Variants in IMMP2L observed in about 807,000 individuals in gnomAD.
IMMP2L encodes the protein inner mitochondrial membrane peptidase subunit 2.
In IMMP2L, 18 loss-of-function variants were observed where a neutral mutation model predicts 19.3. The observed-to-expected ratio is 0.93, with a 90% CI of 0.64 to 1.38. The LOEUF is 1.38. IMMP2L is among the 40% of genes most tolerant of loss of function. The pLI is 0.00. For missense variants in IMMP2L, 233 were observed against 218.2 expected, an observed-to-expected ratio of 1.07 and a Z score of -0.43; for synonymous variants, 76 against 73.0, an observed-to-expected ratio of 1.04 and a Z score of -0.21.
intron 3 of IMMP2L, among the ~76,000 whole-genome samples, chr7:111,144,076 C>A (rs1000975142): frequency 3.3e-5 from 5 of 152,098 alleles, no homozygotes; most frequent in African/African-American, 1.2e-4. Flanking sequence ...TCTTACAAGG[C>A]AAACCCATCA....
At chr7:110,761,168 G>A (rs541702801) in intron 5 of IMMP2L, among the ~76,000 whole-genome samples, 3 of 152,078 alleles carry the variant, frequency 2.0e-5, no homozygotes, top group South Asian at 4.1e-4. Flanking sequence ...GATTCCAGAA[G>A]GGGACTAAGT....
intron 1 of IMMP2L, among the ~76,000 whole-genome samples, chr7:111,536,076 T>C (rs941338516): frequency 1.3e-5 from 2 of 152,004 alleles, no homozygotes; most frequent in African/African-American, 4.8e-5. Context: ...TGGCTAAATA[T>C]GAAAAAAATT....
chr7:111,500,166 C>T (rs1374377786), intron 2 of IMMP2L, among the ~76,000 whole-genome samples: 1 of 152,174 alleles, frequency 6.6e-6, no homozygotes, highest in African/African-American at 2.4e-5. Context: ...ATATCCCGCA[C>T]CTGGCTCAGA....
At chr7:111,251,625 T>C (rs1184743690) in intron 3 of IMMP2L, among the ~76,000 whole-genome samples, 3 of 152,150 alleles carry the variant, frequency 2.0e-5, no homozygotes, top group African/African-American at 7.2e-5. Flanking sequence ...CAGTTATCCT[T>C]AGCAAACTAA....
chr7:111,348,480 G>T (rs1827801737), intron 3 of IMMP2L, among the ~76,000 whole-genome samples: 1 of 152,062 alleles, frequency 6.6e-6, no homozygotes, highest in East Asian at 1.9e-4. Context: ...GACTGAGCCA[G>T]TTTTCGGTCC....
chr7:110,799,462 T>C (rs1431054266), intron 5 of IMMP2L, among the ~76,000 whole-genome samples: 1 of 152,024 alleles, frequency 6.6e-6, no homozygotes, highest in East Asian at 1.9e-4. Context: ...TGTAAAGTTG[T>C]TTTTAAAAGA....
At chr7:110,824,191 T>C (rs893072587) in intron 5 of IMMP2L, among the ~76,000 whole-genome samples, 12 of 152,086 alleles carry the variant, frequency 7.9e-5, no homozygotes, top group Non-Finnish European at 1.3e-4. Context: ...AAAAAATGGA[T>C]ACGTAAATAA....
chr7:110,693,707 T>C (rs1470349889), intron 5 of IMMP2L, among the ~76,000 whole-genome samples: 1 of 151,948 alleles, frequency 6.6e-6, no homozygotes, highest in Non-Finnish European at 1.5e-5. Flanking sequence ...CACCAGAAAA[T>C]AAGATGTGTT....
intron 3 of IMMP2L, among the ~76,000 whole-genome samples, chr7:111,132,704 G>A (rs1214396661): frequency 1.3e-5 from 2 of 151,856 alleles, no homozygotes; most frequent in Non-Finnish European, 1.5e-5. Flanking sequence ...TAGATGACAG[G>A]GATTGCATAT....
chr7:111,124,444 G>A, intron 3 of IMMP2L: 2 of 1,613,818 alleles, frequency 1.2e-6, no homozygotes, highest in Non-Finnish European at 1.7e-6. Flanking sequence ...GACAGCCTTT[G>A]TCAAGACTGA....
intron 5 of IMMP2L, among the ~76,000 whole-genome samples, chr7:110,802,477 CATT>C (rs1226116423): frequency 6.6e-6 from 1 of 151,104 alleles, no homozygotes; most frequent in Admixed American, 6.6e-5. Context: ...TATCCTATAC[CATT>C]ATTATTTTGT....
intron 5 of IMMP2L, among the ~76,000 whole-genome samples, chr7:110,785,132 G>T (rs1489778367): frequency 6.6e-6 from 1 of 151,910 alleles, no homozygotes; most frequent in Non-Finnish European, 1.5e-5. Flanking sequence ...GGAGGTGGTA[G>T]AAGTCAGAAT....
chr7:111,441,484 T>G (rs1160079238), intron 3 of IMMP2L, among the ~76,000 whole-genome samples: 1 of 151,768 alleles, frequency 6.6e-6, no homozygotes, highest in East Asian at 1.9e-4. Flanking sequence ...AACCTAGCAC[T>G]TACTGATTAG....
At chr7:111,090,913 A>C (rs1586197145) in intron 3 of IMMP2L, 1 of 152,206 alleles carries the variant, frequency 6.6e-6, no homozygotes, top group Admixed American at 6.6e-5. Flanking sequence ...CTCAGAAAGG[A>C]AAAAAAAGAA....
intron 3 of IMMP2L, among the ~76,000 whole-genome samples, chr7:111,420,275 G>T (rs1835361661): frequency 6.6e-6 from 1 of 151,796 alleles, no homozygotes; most frequent in African/African-American, 2.4e-5. Flanking sequence ...AGTTTTCTAA[G>T]TTGTGACTCT....
intron 3 of IMMP2L, among the ~76,000 whole-genome samples, chr7:111,191,352 T>G (rs1179459044): frequency 6.6e-6 from 1 of 151,862 alleles, no homozygotes; most frequent in Non-Finnish European, 1.5e-5. Flanking sequence ...TTTGTTACAT[T>G]ACAGTCACAT....
At chr7:111,037,090 T>C (rs1227359262) in intron 3 of IMMP2L, among the ~76,000 whole-genome samples, 1 of 152,158 alleles carries the variant, frequency 6.6e-6, no homozygotes, top group Non-Finnish European at 1.5e-5. Flanking sequence ...AAATGAAATT[T>C]TTTACGAGGA....
intron 5 of IMMP2L, among the ~76,000 whole-genome samples, chr7:110,665,972 T>C (rs1562900789): frequency 6.6e-6 from 1 of 152,228 alleles, no homozygotes; most frequent in African/African-American, 2.4e-5. Flanking sequence ...CATTTATTAG[T>C]TGGCATTGTT....
intron 5 of IMMP2L, among the ~76,000 whole-genome samples, chr7:110,740,799 C>G (rs1364423261): frequency 1.3e-5 from 2 of 151,922 alleles, no homozygotes; most frequent in Non-Finnish European, 2.9e-5. Flanking sequence ...CACTTTTACA[C>G]TGTTGGTGGG....
Sources: allele counts gnomAD v4.1 joint callset (sites outside exome capture counted in the v4.1 genomes callset), GRCh38; gene constraint gnomAD v4.1.1; transcripts MANE v1.5; gene names NCBI Gene and HGNC (gene_info 2026-07-23, HGNC 2026-07-21).